ATP9B: variants seen among roughly 807,000 people sequenced by gnomAD.
ATP9B encodes the protein ATPase phospholipid transporting 9B.
A neutral mutation model predicts 146.1 loss-of-function variants in ATP9B; 110 were observed. The observed-to-expected ratio is 0.75, with a 90% CI of 0.65 to 0.88. The LOEUF (loss-of-function observed/expected upper bound fraction) is 0.88. Ranked by LOEUF, ATP9B falls within the 40% of genes least tolerant of loss-of-function variation. ATP9B has a pLI of 0.00. For synonymous variants in ATP9B, 604 were observed against 569.7 expected, an observed-to-expected ratio of 1.06 and a Z score of -0.86; for missense variants, 1,499 against 1,496.4, an observed-to-expected ratio of 1.00 and a Z score of -0.03.
At chr18:79,161,418 T>A (rs1181821510) in intron 7 of ATP9B, among the ~76,000 whole-genome samples, 3 of 152,208 alleles carry the variant, frequency 2.0e-5, no homozygotes, top group Non-Finnish European at 4.4e-5. Context: ...TGTTTGCATA[T>A]CCCTGGAGGA....
intron 1 of ATP9B, among the ~76,000 whole-genome samples, chr18:79,071,052 T>TTTTCTTTTC (rs1167806792): frequency 2.0e-5 from 3 of 149,730 alleles, no homozygotes; most frequent in Non-Finnish European, 4.5e-5. Context: ...CCTGTTTCTT[T>TTTTCTTTTC]TTTTTTTTTT....
intron 26 of ATP9B, among the ~76,000 whole-genome samples, chr18:79,368,107 G>A (rs2097046375): frequency 6.6e-6 from 1 of 152,218 alleles, no homozygotes; most frequent in African/African-American, 2.4e-5. Flanking sequence ...CGGCGCCGTG[G>A]CCCCGGGTGA....
chr18:79,373,730 C>G (rs1226451177), intron 27 of ATP9B, among the ~76,000 whole-genome samples, 168 bp from the exon 28 acceptor site: 5 of 152,078 alleles, frequency 3.3e-5, no homozygotes. Context: ...ACCTGGTGAT[C>G]CACCCGCCTC....
rs113793783 is a variant in ATP9B at position 79,193,360 on chromosome 18, CAG to C, written c.954+99_954+100del. The C allele has an allele frequency of 8.0e-5, 84 of 1,049,872 alleles. 2 individuals are homozygous for C. In the African/African-American group the frequency reaches 9.3e-4, roughly 12 times the overall value. The allele number at this position is 1,049,872 out of a possible 1,614,324, so 65.0% of individuals were successfully genotyped here. A position where few individuals can be genotyped will look rare whatever the true frequency, so the allele number is the denominator to read the frequency against. ...TAATTCAATCAAGAATAAATTCAAA[CAG>C]AAGTTTCAAACTAGGAAGGGAAAAC... On this transcript the variant is annotated intron_variant, in intron 9 of 29. Coordinates refer to ENST00000426216, the MANE Select transcript of ATP9B (RefSeq NM_198531.5).
intron 15 of ATP9B, among the ~76,000 whole-genome samples, chr18:79,327,449 G>A (rs1265912434): frequency 1.3e-5 from 2 of 150,674 alleles, no homozygotes; most frequent in Non-Finnish European, 2.9e-5. Context: ...TGGTTAGTGT[G>A]CTCCCCATGG....
rs376250147 is a variant in ATP9B, at chr18:79,214,061, T to C, written c.1107+23T>C. On this transcript the variant is annotated intron_variant, in intron 11 of 29. Transcript: ENST00000426216. ...AAGGTAGGCTAGATTGAGGAGCAAC[T>C]GCTTTAATGAACTTATTTTTCCTTT... is the stretch of plus-strand genomic sequence containing the variant. The C allele has an allele frequency of 1.2e-5, 19 of 1,533,482 alleles. No homozygotes were observed. The African/African-American group carries it at 2.7e-4, about 21-fold the overall frequency. 95.0% of individuals were successfully genotyped at this position (1,533,482 alleles called of 1,614,324 possible). A position where few individuals can be genotyped will look rare whatever the true frequency, so the allele number is the denominator to read the frequency against.
In ATP9B at chr18:79,101,621, A is replaced by C. The variant is rs2075287523; in HGVS notation, c.293+4972A>C. On this transcript the variant is annotated intron_variant, in intron 2 of 29. Coordinates refer to ENST00000426216, the MANE Select transcript of ATP9B (RefSeq NM_198531.5). Reference sequence around the variant, plus strand: ...TTAAGAAACTGCCAAAATATTTCCCAGAGTTGCTGTACCATTTTACATTTG... The same window carrying C: ...TTAAGAAACTGCCAAAATATTTCCCCGAGTTGCTGTACCATTTTACATTTG... 1.3e-5 allele frequency among the ~76,000 whole-genome samples: 2 copies of C among 151,834 alleles called. 1 individual carries two copies. The highest frequency in any genetic ancestry group is 4.1e-4 in the South Asian group (2 of 4,824).
At chr18:79,069,702 G>C (rs1336590230) in intron 1 of ATP9B, among the ~76,000 whole-genome samples, 173 bp downstream of exon 1, 1 of 152,246 alleles carries the variant, frequency 6.6e-6, no homozygotes, top group East Asian at 1.9e-4. Context: ...GCGTCCGCCG[G>C]TGGTGAGGGC....
chr18:79,241,843 G>T (rs1190097938), intron 11 of ATP9B, among the ~76,000 whole-genome samples: 1 of 152,216 alleles, frequency 6.6e-6, no homozygotes, highest in East Asian at 1.9e-4. Flanking sequence ...AAACACAAGG[G>T]CTTCCTTGTG....
At chr18:79,311,055 G>A (rs547960969) in intron 15 of ATP9B, among the ~76,000 whole-genome samples, 1 of 152,232 alleles carries the variant, frequency 6.6e-6, no homozygotes, top group African/African-American at 2.4e-5. Flanking sequence ...GGAAGACTGA[G>A]ACAGGAGAAT....
At chr18:79,101,258 T>C (rs2146850012) in intron 2 of ATP9B, among the ~76,000 whole-genome samples, 1 of 152,282 alleles carries the variant, frequency 6.6e-6, no homozygotes, top group Non-Finnish European at 1.5e-5. Context: ...CACTCATCAG[T>C]TCTGCATCTC....
At chr18:79,227,334 C>T (rs549421607) in intron 11 of ATP9B, among the ~76,000 whole-genome samples, 4 of 145,996 alleles carry the variant, frequency 2.7e-5, no homozygotes, top group East Asian at 2.1e-4. Flanking sequence ...TATTGCCATA[C>T]GCTGTTTCCA....
At chr18:79,072,567 T>C (rs1028093520) in intron 1 of ATP9B, among the ~76,000 whole-genome samples, 1 of 127,224 alleles carries the variant, frequency 7.9e-6, no homozygotes, top group African/African-American at 2.5e-5. Context: ...ACAGACACAG[T>C]AACAATCTGA....
intron 13 of ATP9B, among the ~76,000 whole-genome samples, chr18:79,290,719 G>T (rs1357766474): frequency 6.6e-6 from 1 of 152,238 alleles, no homozygotes; most frequent in African/African-American, 2.4e-5. Flanking sequence ...CTCACGCTGG[G>T]AGCTGTAGAC....
chr18:79,149,313 G>GA (rs1463395710), intron 6 of ATP9B, among the ~76,000 whole-genome samples: 2 of 152,066 alleles, frequency 1.3e-5, no homozygotes, highest in Non-Finnish European at 2.9e-5. Flanking sequence ...AAGAAGGATA[G>GA]AAACAAAGGT....
At chr18:79,219,608 T>C (rs1268816717) in intron 11 of ATP9B, among the ~76,000 whole-genome samples, 1 of 152,158 alleles carries the variant, frequency 6.6e-6, no homozygotes, top group East Asian at 1.9e-4. Flanking sequence ...CTTTCATTTG[T>C]AGAAAATATT....
chr18:79,081,325 A>T (rs143344684), intron 1 of ATP9B, among the ~76,000 whole-genome samples: 1 of 152,064 alleles, frequency 6.6e-6, no homozygotes, highest in South Asian at 2.1e-4. Context: ...CAGGGATTCA[A>T]CTTCTTCCTG....
At chr18:79,178,364 GT>G (rs1417748625) in intron 8 of ATP9B, among the ~76,000 whole-genome samples, 3 of 152,190 alleles carry the variant, frequency 2.0e-5, no homozygotes, top group Non-Finnish European at 4.4e-5. Context: ...CGTGGCTTCA[GT>G]TTGCGTTTCT....
rs1043574584 is a variant in ATP9B at position 79,376,488 on chromosome 18, C to G, written c.3308-759C>G. On this transcript the variant is annotated intron_variant, in intron 29 of 29. Transcript: ENST00000426216. ...CACTGCAACCTCTGCCTCCTGAGTT[C>G]AAGTGATTCTCCTGCCTCAGCCTCC... is the stretch of plus-strand genomic sequence containing the variant. 1.0e-5 allele frequency: 8 copies of G among 783,888 alleles called. No homozygotes were observed. The African/African-American group carries it at 1.3e-4, about 13-fold the overall frequency. 48.6% of individuals were successfully genotyped at this position (783,888 alleles called of 1,614,324 possible).
Sources: allele counts gnomAD v4.1 joint callset (sites outside exome capture counted in the v4.1 genomes callset), GRCh38; gene constraint gnomAD v4.1.1; transcripts MANE v1.5; gene names NCBI Gene and HGNC (gene_info 2026-07-23, HGNC 2026-07-21).